The following SRGAP1 variants were observed in gnomAD, a reference collection of about 807,000 sequenced individuals.
SRGAP1 encodes SLIT-ROBO Rho GTPase activating protein 1.
A neutral mutation model predicts 121.9 loss-of-function variants in SRGAP1; 43 were observed. The observed-to-expected ratio is 0.35, with a 90% CI of 0.28 to 0.46. The LOEUF (loss-of-function observed/expected upper bound fraction) is 0.46. Among genes scored for constraint, SRGAP1 ranks in the 20% least tolerant of loss-of-function variants. The probability of loss-of-function intolerance (pLI) is 1.00; values close to 1 mark genes in which losing one functional copy is unlikely to be tolerated. For synonymous variants in SRGAP1, 447 were observed against 485.4 expected (o/e 0.92, Z 1.04); for missense variants, 1,102 against 1,350.9 (o/e 0.82, Z 2.89).
chr12:64,061,772 G>A lies in SRGAP1; in HGVS notation c.802-1145G>A, dbSNP rs1195198222. 4.6e-5 allele frequency among the ~76,000 whole-genome samples: 7 copies of A among 151,890 alleles called. No homozygotes were observed. In the South Asian group the frequency reaches 6.3e-4, roughly 14 times the overall value. On this transcript the variant is annotated intron_variant, in intron 6 of 21. Transcript: ENST00000355086. The stretch of plus-strand genomic sequence containing the variant: ...TAGATTTATCTCTTCTGAACATTTC[G>A]TGTCAATAAAATCATATGTGGTCTT...
intron 8 of SRGAP1, among the ~76,000 whole-genome samples, chr12:64,075,948 T>G (rs1367773135): frequency 6.6e-6 from 1 of 152,104 alleles, no homozygotes; most frequent in Non-Finnish European, 1.5e-5. Flanking sequence ...TTGAAAAGAT[T>G]TCCACTTCCT....
intron 8 of SRGAP1, among the ~76,000 whole-genome samples, chr12:64,073,313 C>T (rs1000921969): frequency 2.6e-5 from 4 of 152,158 alleles, no homozygotes; most frequent in Non-Finnish European, 5.9e-5. Flanking sequence ...TTTGATTCTT[C>T]GTATATGTAT....
chr12:63,946,813 G>A (rs955081085), intron 1 of SRGAP1, among the ~76,000 whole-genome samples: 11 of 152,180 alleles, frequency 7.2e-5, no homozygotes, highest in Middle Eastern at 3.4e-3. Flanking sequence ...AAAGTTCTGG[G>A]ATTACAGGCA....
At chr12:64,118,867 A>G (rs552172211) in intron 18 of SRGAP1, among the ~76,000 whole-genome samples, 2 of 151,894 alleles carry the variant, frequency 1.3e-5, no homozygotes, top group Admixed American at 1.3e-4. Flanking sequence ...GACTACAGGC[A>G]TGGCTAATTT....
chr12:64,083,402 G>T (rs2136569815), intron 10 of SRGAP1, among the ~76,000 whole-genome samples: 1 of 152,292 alleles, frequency 6.6e-6, no homozygotes, highest in East Asian at 1.9e-4. Flanking sequence ...TGTTTGGCCT[G>T]CCTTACTGCT....
chr12:64,043,263 A>G (rs541134314), intron 5 of SRGAP1, among the ~76,000 whole-genome samples, 184 bp from the exon 6 acceptor site: 5 of 152,234 alleles, frequency 3.3e-5, no homozygotes, highest in Non-Finnish European at 7.3e-5. Context: ...TATTCCCCAT[A>G]GCTGGGTAAT....
At chr12:63,926,301 G>A (rs1009919861) in intron 1 of SRGAP1, among the ~76,000 whole-genome samples, 2 of 152,140 alleles carry the variant, frequency 1.3e-5, no homozygotes, top group African/African-American at 4.8e-5. Flanking sequence ...TGTGTGTTGG[G>A]TGCTGTGCTA....
chr12:64,060,964 T>C (rs1005880554), intron 6 of SRGAP1, among the ~76,000 whole-genome samples: 3 of 152,218 alleles, frequency 2.0e-5, no homozygotes, highest in African/African-American at 7.2e-5. Context: ...TCAAACTGAA[T>C]TGATTGAACT....
rs897379516 is a variant in SRGAP1 at position 64,144,622 on chromosome 12, A to C, written c.*1950A>C. 1.3e-5 allele frequency: 2 copies of C among 151,912 alleles called. No individual in the cohort carries two copies. The highest frequency in any genetic ancestry group is 2.9e-5 in the Non-Finnish European group (2 of 68,000). The allele number at this position is 151,912 out of a possible 1,614,324, so 9.4% of individuals were successfully genotyped here. On this transcript the variant is annotated 3_prime_UTR_variant, in exon 22 of 22. Transcript: ENST00000355086. Reference sequence around the variant, plus strand: ...GGTATGGTAAACTTTTAAACCTCCAAATTTTCAGAGCCATACTTTTTGCCC... The same window carrying C: ...GGTATGGTAAACTTTTAAACCTCCACATTTTCAGAGCCATACTTTTTGCCC...
intron 1 of SRGAP1, among the ~76,000 whole-genome samples, chr12:63,876,558 G>A (rs1900035231): frequency 6.6e-6 from 1 of 152,074 alleles, no homozygotes; most frequent in African/African-American, 2.4e-5. Context: ...ACCCTCTGAT[G>A]GAGAATAACT....
At position 64,128,064 on chromosome 12, in the gene SRGAP1, A is replaced by G. The variant is rs764642870; in HGVS notation, c.2744A>G (p.His915Arg). ...CCTGAGCGGAGGCGCAGGCCTGGCC[A>G]TGGCAGCCTGACCAACATCAGCCGG... ...DSPERRRRPGHGSLTNISRHD... is the reference protein window; with the variant it reads ...DSPERRRRPGRGSLTNISRHD... Residue 915 changes from histidine to arginine, a missense_variant, in exon 21 of 22, where the codon CAT (histidine) becomes CGT (arginine). His to Arg is a conservative substitution (Grantham distance 29, BLOSUM62 0). Coordinates refer to ENST00000355086, the MANE Select transcript of SRGAP1 (RefSeq NM_020762.4). 5.6e-6 allele frequency: 9 copies of G among 1,614,048 alleles called. No individual in the cohort carries two copies. In the East Asian group the frequency reaches 1.1e-4, roughly 20 times the overall value.
intron 1 of SRGAP1, among the ~76,000 whole-genome samples, chr12:63,916,032 C>CT (rs140042368): frequency 0.48 from 60,357 of 124,712 alleles, 15,521 homozygotes; most frequent in East Asian, 0.61. Flanking sequence ...CTTTTCTTTT[C>CT]TTTTTTTTTT....
intron 1 of SRGAP1, among the ~76,000 whole-genome samples, chr12:63,958,197 C>T (rs557379068): frequency 6.6e-6 from 1 of 152,160 alleles, no homozygotes; most frequent in South Asian, 2.1e-4. Context: ...TTGAAGAAAA[C>T]ACCCTGGCAC....
intron 1 of SRGAP1, among the ~76,000 whole-genome samples, chr12:63,905,334 A>G (rs2030149408): frequency 6.6e-6 from 1 of 152,210 alleles, no homozygotes; most frequent in Non-Finnish European, 1.5e-5. Flanking sequence ...AGGTTATCTG[A>G]TGACTAAGCT....
chr12:63,848,265 A>G (rs11175185), intron 1 of SRGAP1, among the ~76,000 whole-genome samples: 43,490 of 151,582 alleles, frequency 0.29, 7,227 homozygotes, highest in East Asian at 0.56. Context: ...CTCTGCCTCC[A>G]CCTCCCAAAG....
At chr12:64,114,773 GCTA>G (rs2036491388) in intron 17 of SRGAP1, among the ~76,000 whole-genome samples, 1 of 152,152 alleles carries the variant, frequency 6.6e-6, no homozygotes, top group Admixed American at 6.5e-5. Flanking sequence ...TTTTGTGATC[GCTA>G]CTTTTTCCAG....
chr12:63,909,595 A>C (rs1194258957), intron 1 of SRGAP1, among the ~76,000 whole-genome samples: 1 of 152,180 alleles, frequency 6.6e-6, no homozygotes, highest in Non-Finnish European at 1.5e-5. Flanking sequence ...TTTTTTGTAC[A>C]TGGCTCTGCT....
chr12:63,977,640 T>TAGTC (rs34250787), intron 1 of SRGAP1, among the ~76,000 whole-genome samples: 76,145 of 151,468 alleles, frequency 0.5, 19,424 homozygotes, highest in African/African-American at 0.61. Flanking sequence ...TGGCAAGTAT[T>TAGTC]AGCAGATTTT....
intron 1 of SRGAP1, among the ~76,000 whole-genome samples, chr12:63,976,409 C>G (rs1047430544): frequency 8.5e-5 from 13 of 152,146 alleles, no homozygotes; most frequent in Admixed American, 7.2e-4. Flanking sequence ...TGCCTTCTTG[C>G]CCAGCCATGG....
Sources: gnomAD v4.1 joint callset for allele counts (sites outside exome capture counted in the v4.1 genomes callset) on GRCh38, gnomAD v4.1.1 for gene constraint, MANE v1.5 for transcripts, NCBI Gene and HGNC (gene_info 2026-07-23, HGNC 2026-07-21) for gene names.